MYLK: variants seen among roughly 807,000 people sequenced by gnomAD.
MYLK encodes the protein myosin light chain kinase, also known as myosin light chain kinase, smooth muscle.
In MYLK, 106 loss-of-function variants were observed where a neutral mutation model predicts 203.4. The observed-to-expected ratio is 0.52, with a 90% CI of 0.45 to 0.61. The LOEUF (loss-of-function observed/expected upper bound fraction) is 0.61, where lower values mean the gene tolerates loss of function less well. Ranked by LOEUF, MYLK falls within the 20% of genes least tolerant of loss-of-function variation. MYLK has a pLI of 0.00. For missense variants in MYLK, 2,072 were observed against 2,442.3 expected, an observed-to-expected ratio of 0.85 and a Z score of 3.20; for synonymous variants, 867 against 959.5, an observed-to-expected ratio of 0.90 and a Z score of 1.78.
intron 4 of MYLK, among the ~76,000 whole-genome samples, chr3:123,780,803 G>A (rs1223802762): frequency 6.6e-6 from 1 of 152,174 alleles, no homozygotes; most frequent in Non-Finnish European, 1.5e-5. Context: ...CACGGGCCGG[G>A]CACTGTCCTA....
chr3:123,863,593 C>T (rs982507764), intron 2 of MYLK, among the ~76,000 whole-genome samples: 1 of 152,012 alleles, frequency 6.6e-6, no homozygotes, highest in Non-Finnish European at 1.5e-5. Context: ...GGCCAATAGG[C>T]ACATAATAGC....
chr3:123,877,065 C>T (rs1560310869), intron 1 of MYLK, among the ~76,000 whole-genome samples: 1 of 152,100 alleles, frequency 6.6e-6, no homozygotes, highest in Non-Finnish European at 1.5e-5. Context: ...TAACTCATTC[C>T]CTGAACAAAT....
chr3:123,883,243 C>T (rs2033655666), intron 1 of MYLK, among the ~76,000 whole-genome samples: 1 of 152,126 alleles, frequency 6.6e-6, no homozygotes, highest in South Asian at 2.1e-4. Context: ...GGTCTTTGCA[C>T]TTGGGGAGAG....
intron 4 of MYLK, among the ~76,000 whole-genome samples, chr3:123,761,215 C>T (rs763862678): frequency 1.7e-4 from 26 of 152,198 alleles, no homozygotes; most frequent in Non-Finnish European, 2.9e-4. Flanking sequence ...ACAGATTGTT[C>T]TGTCTTATTC....
intron 7 of MYLK, among the ~76,000 whole-genome samples, chr3:123,737,890 G>A (rs2062733283): frequency 6.6e-6 from 1 of 152,098 alleles, no homozygotes; most frequent in African/African-American, 2.4e-5. Context: ...AGAGAATTAG[G>A]AAGCAGGTAA....
chr3:123,692,356 T>C, intron 19 of MYLK: 1 of 1,175,888 alleles, frequency 8.5e-7, no homozygotes, highest in Non-Finnish European at 1.1e-6. Context: ...TGGGTCGTCC[T>C]GCCAGCTCGG....
At chr3:123,680,355 G>A (rs1219906321) in intron 20 of MYLK, among the ~76,000 whole-genome samples, 1 of 152,154 alleles carries the variant, frequency 6.6e-6, no homozygotes, top group Admixed American at 6.5e-5. Context: ...TGTAGCTTCT[G>A]CACCCAGGAG....
intron 15 of MYLK, among the ~76,000 whole-genome samples, chr3:123,708,434 T>C (rs2061548816): frequency 6.6e-6 from 1 of 152,182 alleles, no homozygotes; most frequent in Non-Finnish European, 1.5e-5. Context: ...GTATTACAGA[T>C]TTCCCTCTTA....
chr3:123,851,229 C>A (rs2148667017), intron 2 of MYLK, among the ~76,000 whole-genome samples: 1 of 152,256 alleles, frequency 6.6e-6, no homozygotes, highest in African/African-American at 2.4e-5. Context: ...GCAATGTGGG[C>A]TCTTTTTTGG....
chr3:123,795,328 T>G (rs1181087023), intron 3 of MYLK, among the ~76,000 whole-genome samples: 3 of 152,230 alleles, frequency 2.0e-5, no homozygotes, highest in Non-Finnish European at 4.4e-5. Flanking sequence ...TTGGATAGTT[T>G]CTAAATCTTT....
At position 123,700,800 on chromosome 3, in the gene MYLK, G is replaced by A; in HGVS notation, c.2668C>T (p.Gln890Ter). The A allele has an allele frequency of 6.2e-7, 1 of 1,614,202 alleles. No homozygotes were observed. Among genetic ancestry groups the A allele is most frequent in the East Asian group, 2.2e-5 (1 of 44,868 alleles). ...RQHTEEAIRQ[Q>*]EVEQLDFRDL... ...CGGAAGTCCAGCTGCTCCACCTCCT[G>A]CTGGCGGATCGCCTCCTCAGTGTGC... The change falls in exon 18 of 34, where the codon CAG (glutamine) becomes TAG (stop). Residue 890 changes from glutamine (Q) to a stop codon, truncating the protein, a stop_gained. Coordinates refer to ENST00000360304, the MANE Select transcript of MYLK (RefSeq NM_053025.4). LOFTEE classifies it high-confidence loss of function.
At chr3:123,721,171 C>T (rs1211247872) in intron 13 of MYLK, among the ~76,000 whole-genome samples, 1 of 152,218 alleles carries the variant, frequency 6.6e-6, no homozygotes, top group Non-Finnish European at 1.5e-5. Flanking sequence ...TGCGAAACTT[C>T]CTCCTGCAGC....
chr3:123,791,748 T>G (rs1007839107), intron 4 of MYLK, among the ~76,000 whole-genome samples: 4 of 152,138 alleles, frequency 2.6e-5, no homozygotes, highest in African/African-American at 7.2e-5. Context: ...AAAATAAAAT[T>G]TTCACATAGA....
Position 123,692,929 on chromosome 3 carries a change from G to A in MYLK, c.3449-78C>T, listed in dbSNP as rs578101390. 20 of 1,271,834 alleles carry A rather than the reference G, an allele frequency of 1.6e-5. No homozygotes were observed. In the Admixed American group the frequency reaches 1.7e-4, roughly 11 times the overall value. The allele number at this position is 1,271,834 out of a possible 1,614,324, so 78.8% of individuals were successfully genotyped here. A position where few individuals can be genotyped will look rare whatever the true frequency, so the allele number is the denominator to read the frequency against. On this transcript the variant is annotated intron_variant, in intron 18 of 33. Transcript: ENST00000360304. The stretch of plus-strand genomic sequence containing the variant: ...GGCATCTGGAGCGCAGCAGGTGAGT[G>A]TTACTCGCACGGGCAGCCTCTGGGA...
Position 123,861,939 on chromosome 3 carries a change from C to T in MYLK, c.-127+14620G>A, listed in dbSNP as rs190882101. Among the ~76,000 whole-genome samples, 42 of 152,324 alleles carry T rather than the reference C, an allele frequency of 2.8e-4. No homozygotes were observed. In the East Asian group the frequency reaches 7.9e-3, roughly 29 times the overall value. Reference sequence around the variant, plus strand: ...AATACACTTGAGGTGTCACCCCTTCCGCAGGCAGGAGTATCCTCATGCTTG... The same window carrying T: ...AATACACTTGAGGTGTCACCCCTTCTGCAGGCAGGAGTATCCTCATGCTTG... On this transcript the variant is annotated intron_variant, in intron 2 of 33. Transcript: ENST00000360304.
intron 8 of MYLK, among the ~76,000 whole-genome samples, chr3:123,736,869 C>T (rs1189244501): frequency 6.6e-6 from 1 of 152,154 alleles, no homozygotes; most frequent in African/African-American, 2.4e-5. Flanking sequence ...AAGGTGGCAG[C>T]CAAGCACAGG....
chr3:123,859,937 G>A (rs2031746709), intron 2 of MYLK, among the ~76,000 whole-genome samples: 1 of 150,820 alleles, frequency 6.6e-6, no homozygotes, highest in Non-Finnish European at 1.5e-5. Context: ...TTAAGTGATG[G>A]ATTCTTTAAT....
chr3:123,872,518 A>G (rs1457604932), intron 2 of MYLK, among the ~76,000 whole-genome samples: 5 of 152,114 alleles, frequency 3.3e-5, no homozygotes, highest in South Asian at 2.1e-4. Flanking sequence ...TTTCTGACCA[A>G]CCGACGATAA....
chr3:123,819,874 A>ATC (rs2065866851), intron 3 of MYLK, among the ~76,000 whole-genome samples: 1 of 142,524 alleles, frequency 7.0e-6, no homozygotes, highest in African/African-American at 2.6e-5. Flanking sequence ...ACAGACCATC[A>ATC]TCTCTCCTTA....
Sources: allele counts gnomAD v4.1 joint callset (sites outside exome capture counted in the v4.1 genomes callset), GRCh38; gene constraint gnomAD v4.1.1; transcripts MANE v1.5; gene names NCBI Gene and HGNC (gene_info 2026-07-23, HGNC 2026-07-21).